The following RAI14 variants were observed in gnomAD, a reference collection of about 807,000 sequenced individuals.
RAI14 encodes the protein retinoic acid induced 14.
A neutral mutation model predicts 115.4 loss-of-function variants in RAI14; 45 were observed. The observed-to-expected ratio is 0.39, with a 90% CI of 0.31 to 0.50. The LOEUF is 0.50. Among genes scored for constraint, RAI14 ranks in the 20% least tolerant of loss-of-function variants. The probability of loss-of-function intolerance (pLI) is 0.85; values close to 1 mark genes in which losing one functional copy is unlikely to be tolerated. For synonymous variants in RAI14, 371 were observed against 415.4 expected, an observed-to-expected ratio of 0.89 and a Z score of 1.30; for missense variants, 939 against 1,131.2, an observed-to-expected ratio of 0.83 and a Z score of 2.44.
chr5:34,690,900 A>G (rs978998569), intron 2 of RAI14, among the ~76,000 whole-genome samples: 6 of 152,050 alleles, frequency 3.9e-5, no homozygotes, highest in African/African-American at 1.4e-4. Flanking sequence ...AGGTTGATAA[A>G]CCTCGGTGGG....
intron 2 of RAI14, among the ~76,000 whole-genome samples, chr5:34,694,590 G>T (rs1738999246): frequency 6.6e-6 from 1 of 152,060 alleles, no homozygotes; most frequent in Admixed American, 6.6e-5. Context: ...TCACTTTTTG[G>T]GAAGCACTGC....
At chr5:34,733,855 T>C (rs1013242996) in intron 2 of RAI14, among the ~76,000 whole-genome samples, 10 of 152,194 alleles carry the variant, frequency 6.6e-5, no homozygotes, top group African/African-American at 1.9e-4. Context: ...CTGCCTTCAG[T>C]TGGAACTTTT....
intron 9 of RAI14, 77 bp downstream of exon 9, chr5:34,812,022 AATATG>A (rs1755660722): frequency 7.4e-7 from 1 of 1,342,534 alleles, no homozygotes; most frequent in Non-Finnish European, 1.0e-6. Context: ...GAATGTGTGC[AATATG>A]ATATATTTTA....
intron 9 of RAI14, 69 bp from the exon 10 acceptor site, chr5:34,812,110 TC>T (rs1561070350): frequency 4.3e-6 from 6 of 1,402,200 alleles, no homozygotes; most frequent in South Asian, 1.2e-5. Context: ...TGTGTGTGTA[TC>T]CCCCCACCCA....
intron 2 of RAI14, among the ~76,000 whole-genome samples, chr5:34,688,677 G>A (rs1738182598): frequency 6.6e-6 from 1 of 152,092 alleles, no homozygotes; most frequent in Non-Finnish European, 1.5e-5. Context: ...GAGGAAATTG[G>A]TATAATGGAG....
At chr5:34,742,197 G>A (rs1745599658) in intron 2 of RAI14, among the ~76,000 whole-genome samples, 2 of 152,140 alleles carry the variant, frequency 1.3e-5, no homozygotes, top group Non-Finnish European at 2.9e-5. Flanking sequence ...CTTATGACTC[G>A]GGGCTCAGCA....
chr5:34,742,403 C>G (rs114123170), intron 2 of RAI14, among the ~76,000 whole-genome samples: 1 of 152,100 alleles, frequency 6.6e-6, no homozygotes, highest in African/African-American at 2.4e-5. Flanking sequence ...TAATTTTGGC[C>G]GACAGTAGAA....
intron 2 of RAI14, among the ~76,000 whole-genome samples, chr5:34,704,695 C>A (rs1223011149): frequency 6.6e-6 from 1 of 152,176 alleles, no homozygotes; most frequent in Non-Finnish European, 1.5e-5. Context: ...TTTAAAAAAT[C>A]ATTATTTCTT....
At chr5:34,709,689 C>T (rs150572103) in intron 2 of RAI14, among the ~76,000 whole-genome samples, 2 of 152,306 alleles carry the variant, frequency 1.3e-5, no homozygotes, top group East Asian at 3.9e-4. Context: ...CTTCACCCAA[C>T]TCCCATACAA....
At chr5:34,735,943 C>A (rs1435188196) in intron 2 of RAI14, among the ~76,000 whole-genome samples, 4 of 152,232 alleles carry the variant, frequency 2.6e-5, no homozygotes, top group South Asian at 2.1e-4. Context: ...ATACGTGATA[C>A]AAGTGATCAT....
intron 17 of RAI14, among the ~76,000 whole-genome samples, chr5:34,830,345 T>C (rs964301621): frequency 5.3e-5 from 8 of 152,178 alleles, no homozygotes; most frequent in African/African-American, 1.7e-4. Flanking sequence ...ACGGGGGCTT[T>C]ATTTTCCAGC....
intron 3 of RAI14, among the ~76,000 whole-genome samples, chr5:34,773,767 G>A (rs1298499051): frequency 6.6e-6 from 1 of 152,130 alleles, no homozygotes; most frequent in Non-Finnish European, 1.5e-5. Context: ...ATTCTGGAAG[G>A]ATGCAGAGAA....
chr5:34,748,830 A>AG (rs1337362962), intron 2 of RAI14, among the ~76,000 whole-genome samples: 1 of 151,780 alleles, frequency 6.6e-6, no homozygotes, highest in Non-Finnish European at 1.5e-5. Flanking sequence ...AAAAAAAAAA[A>AG]AGAAAATTTG....
chr5:34,744,604 T>C (rs770501907), intron 2 of RAI14, among the ~76,000 whole-genome samples: 2 of 152,172 alleles, frequency 1.3e-5, no homozygotes, highest in East Asian at 1.9e-4. Flanking sequence ...GATAAGAGCA[T>C]TGGAGTGCAG....
intron 16 of RAI14, 140 bp downstream of exon 16, chr5:34,826,619 T>G: frequency 8.6e-7 from 1 of 1,167,174 alleles, no homozygotes; most frequent in Non-Finnish European, 1.2e-6. Flanking sequence ...AGTTGACTGA[T>G]TTCTTCAGTG....
intron 3 of RAI14, among the ~76,000 whole-genome samples, chr5:34,787,976 G>C (rs1477783623): frequency 1.5e-5 from 2 of 131,334 alleles, no homozygotes; most frequent in African/African-American, 2.9e-5. Flanking sequence ...TGCAGTGGTG[G>C]TGTGATCACA....
chr5:34,666,175 C>T (rs1743194656), intron 1 of RAI14, among the ~76,000 whole-genome samples: 1 of 152,074 alleles, frequency 6.6e-6, no homozygotes, highest in South Asian at 2.1e-4. Context: ...CCAGGCCCCA[C>T]CTGACAATTC....
chr5:34,808,166 C>A (rs1248015847), intron 6 of RAI14, among the ~76,000 whole-genome samples: 1 of 152,196 alleles, frequency 6.6e-6, no homozygotes, highest in Admixed American at 6.5e-5. Context: ...ATGTGTGATA[C>A]AGACTTTTTG....
At chr5:34,785,576 T>C (rs11956393) in intron 3 of RAI14, among the ~76,000 whole-genome samples, 38,590 of 152,058 alleles carry the variant, frequency 0.25, 5,658 homozygotes, top group Non-Finnish European at 0.32. Context: ...TTAAATTGAA[T>C]GGGTTGAATT....
Sources: allele counts gnomAD v4.1 joint callset (sites outside exome capture counted in the v4.1 genomes callset), GRCh38; gene constraint gnomAD v4.1.1; transcripts MANE v1.5; gene names NCBI Gene and HGNC (gene_info 2026-07-23, HGNC 2026-07-21).